PCDHA13: variants seen among roughly 807,000 people sequenced by gnomAD.
PCDHA13 encodes the protein protocadherin alpha 13.
In PCDHA13, 54 loss-of-function variants were observed where a neutral mutation model predicts 64.8. That is an observed-to-expected ratio of 0.83 (90% CI 0.67 to 1.04). The LOEUF is 1.04. PCDHA13 is among the 50% of genes least tolerant of loss of function. The pLI is 0.00. For missense variants in PCDHA13, 1,248 were observed against 1,254.3 expected (o/e 0.99, Z 0.08); for synonymous variants, 587 against 564.4 (o/e 1.04, Z -0.57).
rs150382315 is a variant in PCDHA13, at chr5:140,929,255, G to A, written c.2394+44593G>A. 5.2e-5 allele frequency: 84 copies of A among 1,613,256 alleles called. No homozygotes were observed. In the South Asian group the frequency reaches 8.9e-4, roughly 17 times the overall value. On this transcript the variant is annotated intron_variant, in intron 1 of 3. Coordinates refer to ENST00000289272, the MANE Select transcript of PCDHA13 (RefSeq NM_018904.3). ...CTGCGAAATCTTGCCACTGGGGTAG[G>A]ACTGAATTTGCCAATATCCTGTATT...
rs1554263792 is a variant in PCDHA13 at position 141,012,059 on chromosome 5, C to T, written c.*2122C>T. 1 of 153,718 alleles carries T rather than the reference C, an allele frequency of 6.5e-6. No individual in the cohort carries two copies. The highest frequency in any genetic ancestry group is 1.5e-5 in the Non-Finnish European group (1 of 68,036). The allele number at this position is 153,718 out of a possible 1,614,324, so 9.5% of individuals were successfully genotyped here. A position where few individuals can be genotyped will look rare whatever the true frequency, so the allele number is the denominator to read the frequency against. ...TGCATGGGGTAAAACTTGTTACCAA[C>T]ACATGTGAACCATTGCTACATTGTA... On this transcript the variant is annotated 3_prime_UTR_variant, in exon 4 of 4. Transcript: ENST00000289272.
At position 140,966,546 on chromosome 5, in the gene PCDHA13, C is replaced by G. The variant is rs549303882; in HGVS notation, c.2395-12403C>G. The G allele has an allele frequency of 3.9e-5, 18 of 466,228 alleles. No individual in the cohort carries two copies. The Admixed American group carries it at 6.1e-4, about 16-fold the overall frequency. 28.9% of individuals were successfully genotyped at this position (466,228 alleles called of 1,614,324 possible). On this transcript the variant is annotated intron_variant, in intron 1 of 3. Coordinates refer to ENST00000289272, the MANE Select transcript of PCDHA13 (RefSeq NM_018904.3). ...CGAGCCGGGTTGAGCGACTCGGAGGCGAGCGGAGGAGCTGGAATATGGGGA... is the reference window on the plus strand; with the variant it reads ...CGAGCCGGGTTGAGCGACTCGGAGGGGAGCGGAGGAGCTGGAATATGGGGA...
Position 140,926,930 on chromosome 5 carries a change from T to A in PCDHA13, c.2394+42268T>A, listed in dbSNP as rs1554203828. On this transcript the variant is annotated intron_variant, in intron 1 of 3. Coordinates refer to ENST00000289272, the MANE Select transcript of PCDHA13 (RefSeq NM_018904.3). ...GGGGTGGCAGTTTTATGTTTGTGGG[T>A]TTCCTGCGGCGCTGCAGCGGGACAG... 6 of 1,575,058 alleles carry A rather than the reference T, an allele frequency of 3.8e-6. No individual in the cohort carries two copies. The East Asian group carries it at 1.4e-4, about 35-fold the overall frequency.
intron 1 of PCDHA13, chr5:140,927,292 C>G (rs782109776): frequency 1.3e-5 from 21 of 1,614,162 alleles, no homozygotes; most frequent in Non-Finnish European, 1.7e-6. Context: ...GCTGCACATC[C>G]CCGAGTTCCT....
chr5:140,994,052 C>T (rs2097593082), intron 3 of PCDHA13, among the ~76,000 whole-genome samples: 1 of 152,134 alleles, frequency 6.6e-6, no homozygotes, highest in African/African-American at 2.4e-5. Context: ...CAGTCCTGCC[C>T]TTATAAATCT....
At chr5:140,903,636 T>C (rs1330875573) in intron 1 of PCDHA13, among the ~76,000 whole-genome samples, 3 of 152,236 alleles carry the variant, frequency 2.0e-5, no homozygotes, top group African/African-American at 7.2e-5. Context: ...TGTATGCATA[T>C]ACCATATACA....
At chr5:140,894,414 C>A (rs1554186083) in intron 1 of PCDHA13, among the ~76,000 whole-genome samples, 2 of 151,928 alleles carry the variant, frequency 1.3e-5, no homozygotes, top group African/African-American at 4.8e-5. Flanking sequence ...TCTTTTGTAG[C>A]TAACACTCCT....
intron 1 of PCDHA13, among the ~76,000 whole-genome samples, chr5:140,945,632 A>G (rs1258111936): frequency 6.6e-6 from 1 of 152,168 alleles, no homozygotes; most frequent in African/African-American, 2.4e-5. Flanking sequence ...GGCATAAAAG[A>G]CATGTAGACC....
intron 3 of PCDHA13, among the ~76,000 whole-genome samples, chr5:141,000,477 G>C (rs1191359491): frequency 1.5e-5 from 2 of 132,058 alleles, no homozygotes; most frequent in African/African-American, 5.8e-5. Context: ...GCCCAAGCTG[G>C]AGTGCAATGG....
intron 1 of PCDHA13, among the ~76,000 whole-genome samples, chr5:140,933,379 G>A (rs1403607512): frequency 6.6e-6 from 1 of 151,928 alleles, no homozygotes; most frequent in East Asian, 1.9e-4. Flanking sequence ...TTCCTTGGCT[G>A]TTCCTAGAGC....
intron 3 of PCDHA13, among the ~76,000 whole-genome samples, chr5:140,994,795 G>A (rs2097650396): frequency 6.6e-6 from 1 of 152,184 alleles, no homozygotes; most frequent in Admixed American, 6.6e-5. Flanking sequence ...ATGCGTGCAT[G>A]CAAAAACAAA....
At position 140,969,018 on chromosome 5, in the gene PCDHA13, G is replaced by A. The variant is rs143196630; in HGVS notation, c.2395-9931G>A. On this transcript the variant is annotated intron_variant, in intron 1 of 3. Transcript: ENST00000289272. ...GGAGGCTTCTGTGGAGTAAGGGAAA[G>A]GTCCCCTGCAGAACTGTACAAACAA... 33 of 1,614,058 alleles carry A rather than the reference G, an allele frequency of 2.0e-5. 1 individual carries two copies. In the Middle Eastern group the frequency reaches 4.9e-4, roughly 24 times the overall value.
intron 1 of PCDHA13, among the ~76,000 whole-genome samples, chr5:140,913,410 C>A (rs375204256): frequency 6.6e-6 from 1 of 152,040 alleles, no homozygotes; most frequent in Non-Finnish European, 1.5e-5. Flanking sequence ...CCTTTGAATT[C>A]CTGCAGTATC....
chr5:140,921,129 C>T (rs998046424), intron 1 of PCDHA13, among the ~76,000 whole-genome samples: 1 of 139,232 alleles, frequency 7.2e-6, no homozygotes, highest in South Asian at 2.4e-4. Context: ...TACAGGTGCA[C>T]ACCACTACAC....
intron 1 of PCDHA13, chr5:140,927,345 C>G (rs1391320223): frequency 1.2e-6 from 2 of 1,614,012 alleles, no homozygotes. Context: ...CCCAAGATGA[C>G]GACGAGGGAA....
chr5:140,929,154 T>C (rs1005551092), intron 1 of PCDHA13: 3 of 1,614,180 alleles, frequency 1.9e-6, no homozygotes, highest in Non-Finnish European at 1.7e-6. Context: ...CTCAGACTTA[T>C]CTCTATCGGG....
intron 1 of PCDHA13, among the ~76,000 whole-genome samples, chr5:140,964,573 G>A (rs191009049): frequency 3.0e-4 from 45 of 152,274 alleles, no homozygotes; most frequent in African/African-American, 1.9e-4. Flanking sequence ...GAGGAGATAA[G>A]GGGAGGAAAG....
chr5:140,955,036 T>C (rs2095128891), intron 1 of PCDHA13, among the ~76,000 whole-genome samples: 1 of 152,210 alleles, frequency 6.6e-6, no homozygotes, highest in Non-Finnish European at 1.5e-5. Context: ...AGGGAATCTT[T>C]TCCTCATTGC....
intron 1 of PCDHA13, among the ~76,000 whole-genome samples, chr5:140,905,387 G>T (rs1554192032): frequency 1.3e-5 from 2 of 152,138 alleles, no homozygotes; most frequent in African/African-American, 4.8e-5. Context: ...TGTTTCATAG[G>T]TCTGTGTGCC....
Sources: gnomAD v4.1 joint callset for allele counts (sites outside exome capture counted in the v4.1 genomes callset) on GRCh38, gnomAD v4.1.1 for gene constraint, MANE v1.5 for transcripts, NCBI Gene and HGNC (gene_info 2026-07-23, HGNC 2026-07-21) for gene names.